The following OR8H2 variants were observed in gnomAD, a reference collection of about 807,000 sequenced individuals.
The protein encoded by OR8H2 is olfactory receptor 8H2.
For missense variants in OR8H2, 374 were observed against 371.1 expected, an observed-to-expected ratio of 1.01 and a Z score of -0.06; for synonymous variants, 157 against 139.2, an observed-to-expected ratio of 1.13 and a Z score of -0.90.
At position 56,105,633 on chromosome 11, in the gene OR8H2, C is replaced by G. The variant is rs776203111; in HGVS notation, c.591C>G (p.Ile197Met). Reference sequence around the variant, plus strand: ...GCACTGATACATACAACACCGAAATCCTGATATTCATTATTGTTGGTTCCA... The same window carrying G: ...GCACTGATACATACAACACCGAAATGCTGATATTCATTATTGTTGGTTCCA... ...LSCTDTYNTE[I>M]LIFIIVGSTL... Residue 197 changes from isoleucine to methionine, a missense_variant, in exon 2 of 2, where the codon ATC (isoleucine) becomes ATG (methionine). Physicochemically the swap from Ile to Met is conservative, Grantham distance 10. Transcript: ENST00000313503. The G allele has an allele frequency of 3.1e-6, 5 of 1,613,928 alleles. No homozygotes were observed. In the African/African-American group the frequency reaches 4.0e-5, roughly 13 times the overall value.
Position 56,105,650 on chromosome 11 carries a change from T to C in OR8H2, c.608T>C (p.Val203Ala), listed in dbSNP as rs61734224. 1.2e-5 allele frequency: 20 copies of C among 1,614,048 alleles called. No individual in the cohort carries two copies. Among genetic ancestry groups the C allele is most frequent in the Admixed American group, 3.3e-5 (2 of 60,004 alleles). The stretch of plus-strand genomic sequence containing the variant: ...ACCGAAATCCTGATATTCATTATTG[T>C]TGGTTCCACCCTGATGGTGTCCCTT... ...YNTEILIFII[V>A]GSTLMVSLFT... The change falls in exon 2 of 2, where the codon GTT (valine) becomes GCT (alanine). Residue 203 changes from valine (V) to alanine (A), a missense_variant. By Grantham distance (64) the Val-to-Ala change is moderately conservative. Coordinates refer to ENST00000313503, the MANE Select transcript of OR8H2 (RefSeq NM_001386064.1).
chr11:56,105,874 T>C lies in OR8H2; in HGVS notation c.832T>C (p.Tyr278His). The change falls in exon 2 of 2, where the codon TAT (tyrosine) becomes CAT (histidine). Residue 278 changes from tyrosine to histidine, a missense_variant. Coordinates refer to ENST00000313503, the MANE Select transcript of OR8H2 (RefSeq NM_001386064.1). ...LGRDQVASVFYTIVIPVLNPL... is the reference protein window; with the variant it reads ...LGRDQVASVFHTIVIPVLNPL... ...AAGAGATCAAGTGGCTTCTGTTTTTTATACTATTGTGATTCCCGTGCTGAA... is the reference window on the plus strand; with the variant it reads ...AAGAGATCAAGTGGCTTCTGTTTTTCATACTATTGTGATTCCCGTGCTGAA... 6.2e-7 allele frequency: 1 copy of C among 1,611,850 alleles called. No individual in the cohort carries two copies.
In OR8H2 at chr11:56,103,857, T is replaced by C. The variant is rs1437942866; in HGVS notation, c.-302T>C. ...AAATGTAAAAACAACTTATCTCAAG[T>C]AAAATAAATATTATAAAAAATTCAT... On this transcript the variant is annotated 5_prime_UTR_variant, in exon 1 of 2. Coordinates refer to ENST00000313503, the MANE Select transcript of OR8H2 (RefSeq NM_001386064.1). 1 of 151,858 alleles carries C rather than the reference T, an allele frequency of 6.6e-6. No homozygotes were observed. The highest frequency in any genetic ancestry group is 1.9e-4 in the East Asian group (1 of 5,202). The allele number at this position is 151,858 out of a possible 1,614,324, so 9.4% of individuals were successfully genotyped here.
rs746561960 is a variant in OR8H2, at chr11:56,105,626, C to T, written c.584C>T (p.Thr195Ile). ...CTGTCCTGCACTGATACATACAACA[C>T]CGAAATCCTGATATTCATTATTGTT... ...LALSCTDTYNTEILIFIIVGS... is the reference protein window; with the variant it reads ...LALSCTDTYNIEILIFIIVGS... Residue 195 changes from threonine (T) to isoleucine (I), a missense_variant, in exon 2 of 2, where the codon ACC (threonine) becomes ATC (isoleucine). Physicochemically the swap from Thr to Ile is moderately conservative, Grantham distance 89. Coordinates refer to ENST00000313503, the MANE Select transcript of OR8H2 (RefSeq NM_001386064.1). 8 of 1,614,080 alleles carry T rather than the reference C, an allele frequency of 5.0e-6. No individual in the cohort carries two copies. The South Asian group carries it at 6.6e-5, about 13-fold the overall frequency.
At chr11:56,104,793 G>T (rs969067533) in intron 1 of OR8H2, 79 bp from the exon 2 acceptor site, 1 of 391,380 alleles carries the variant, frequency 2.6e-6, no homozygotes, top group Non-Finnish European at 4.5e-6. Flanking sequence ...CTTATAGAAG[G>T]CTAAGCTAAT....
intron 1 of OR8H2, 39 bp from the exon 2 acceptor site, chr11:56,104,833 G>T: frequency 2.2e-6 from 1 of 458,862 alleles, no homozygotes. Flanking sequence ...CATATAAACA[G>T]AAAGTTTTTT....
rs1355276246 is a variant in OR8H2, at chr11:56,107,134, T to C, written c.*1153T>C. 1.3e-5 allele frequency: 2 copies of C among 151,958 alleles called. No homozygotes were observed. Among genetic ancestry groups the C allele is most frequent in the Middle Eastern group, 6.3e-3 (2 of 316 alleles). The allele number at this position is 151,958 out of a possible 1,614,324, so 9.4% of individuals were successfully genotyped here. A position where few individuals can be genotyped will look rare whatever the true frequency, so the allele number is the denominator to read the frequency against. On this transcript the variant is annotated 3_prime_UTR_variant, in exon 2 of 2. Coordinates refer to ENST00000313503, the MANE Select transcript of OR8H2 (RefSeq NM_001386064.1). ...GTACATGGACAAAATCAAGACTCAC[T>C]TCACAATGTTTTGGACTTGAAATAT...
rs1383637019 is a variant in OR8H2, at chr11:56,104,850, TG to T, written c.-171-21del. 681 of 400,900 alleles carry T rather than the reference TG, an allele frequency of 1.7e-3. 2 individuals are homozygous for T. The highest frequency in any genetic ancestry group is 2.5e-3 in the African/African-American group (118 of 48,070). The allele number at this position is 400,900 out of a possible 1,614,324, so 24.8% of individuals were successfully genotyped here. ...TATAAACAGAAAGTTTTTTTTTGTT[TG>T]TTTTTTGTTTTTTGAGTCAGAGTCT... On this transcript the variant is annotated intron_variant, in intron 1 of 1. Coordinates refer to ENST00000313503, the MANE Select transcript of OR8H2 (RefSeq NM_001386064.1).
At position 56,105,624 on chromosome 11, in the gene OR8H2, C is replaced by A. The variant is rs141305814; in HGVS notation, c.582C>A (p.Asn194Lys). Reference sequence around the variant, plus strand: ...CTCTGTCCTGCACTGATACATACAACACCGAAATCCTGATATTCATTATTG... The same window carrying A: ...CTCTGTCCTGCACTGATACATACAAAACCGAAATCCTGATATTCATTATTG... ...ILALSCTDTY[N>K]TEILIFIIVG... Residue 194 changes from asparagine to lysine, a missense_variant, in exon 2 of 2, where the codon AAC becomes AAA. By Grantham distance (94) the Asn-to-Lys change is moderately conservative (BLOSUM62 0). Transcript: ENST00000313503. The A allele has an allele frequency of 6.9e-5, 111 of 1,613,964 alleles. No individual in the cohort carries two copies. Among genetic ancestry groups the A allele is most frequent in the Non-Finnish European group, 9.3e-5 (110 of 1,179,936 alleles).
At chr11:56,104,677 TACATG>T in intron 1 of OR8H2, among the ~76,000 whole-genome samples, 190 bp from the exon 2 acceptor site, 1 of 152,352 alleles carries the variant, frequency 6.6e-6, no homozygotes, top group Non-Finnish European at 1.5e-5. Context: ...TGCAATATGC[TACATG>T]CTACACTTTA....
At chr11:56,104,198 G>T (rs1402549511) in intron 1 of OR8H2, among the ~76,000 whole-genome samples, 3 of 151,862 alleles carry the variant, frequency 2.0e-5, no homozygotes, top group Non-Finnish European at 4.4e-5. Context: ...ATTTTTGGAA[G>T]AAATTAGATT....
In OR8H2 at chr11:56,107,078, C is replaced by A. The variant is rs1214457934; in HGVS notation, c.*1097C>A. On this transcript the variant is annotated 3_prime_UTR_variant, in exon 2 of 2. Transcript: ENST00000313503. ...TATCCATTTACAAGTTTAATGTTGT[C>A]ATCGACAACTCTAATATAAATTTTT... The A allele has an allele frequency of 2.0e-5, 3 of 151,894 alleles. No homozygotes were observed. The highest frequency in any genetic ancestry group is 4.4e-5 in the Non-Finnish European group (3 of 67,820). 9.4% of individuals were successfully genotyped at this position (151,894 alleles called of 1,614,324 possible).
In OR8H2 at chr11:56,105,283, A is replaced by G. The variant is rs1249087179; in HGVS notation, c.241A>G (p.Lys81Glu). The change falls in exon 2 of 2, where the codon AAA becomes GAA. Residue 81 changes from lysine to glutamate, a missense_variant. Transcript: ENST00000313503. ...DLSYSTVVTP[K>E]TLANLLTSNY... ...CAGTTACTCAACTGTCGTCACACCTAAAACCTTAGCGAACTTACTGACTTC... is the reference window on the plus strand; with the variant it reads ...CAGTTACTCAACTGTCGTCACACCTGAAACCTTAGCGAACTTACTGACTTC... 6 of 1,614,094 alleles carry G rather than the reference A, an allele frequency of 3.7e-6. No homozygotes were observed. In the Admixed American group the frequency reaches 5.0e-5, roughly 13 times the overall value.
Position 56,106,822 on chromosome 11 carries a change from A to T in OR8H2, c.*841A>T, listed in dbSNP as rs958875310. 7 of 152,174 alleles carry T rather than the reference A, an allele frequency of 4.6e-5. No individual in the cohort carries two copies. Among genetic ancestry groups the T allele is most frequent in the African/African-American group, 1.7e-4 (7 of 41,578 alleles). The allele number at this position is 152,174 out of a possible 1,614,324, so 9.4% of individuals were successfully genotyped here. On this transcript the variant is annotated 3_prime_UTR_variant, in exon 2 of 2. Transcript: ENST00000313503. Reference sequence around the variant, plus strand: ...GAAAATTTGAAAAATATTACAAAATATTGAAGAAAATAGAAATCCTCTACA... The same window carrying T: ...GAAAATTTGAAAAATATTACAAAATTTTGAAGAAAATAGAAATCCTCTACA...
intron 1 of OR8H2, 41 bp from the exon 2 acceptor site, chr11:56,104,831 C>A: frequency 6.6e-6 from 3 of 453,904 alleles, no homozygotes; most frequent in Admixed American, 3.9e-5. Flanking sequence ...TTCATATAAA[C>A]AGAAAGTTTT....
At position 56,105,301 on chromosome 11, in the gene OR8H2, C is replaced by G. The variant is rs200791147; in HGVS notation, c.259C>G (p.Leu87Val). 4 of 1,614,220 alleles carry G rather than the reference C, an allele frequency of 2.5e-6. No homozygotes were observed. In the East Asian group the frequency reaches 8.9e-5, roughly 36 times the overall value. Residue 87 changes from leucine (L) to valine (V), a missense_variant, in exon 2 of 2, where the codon CTG (leucine) becomes GTG (valine). Physicochemically the swap from Leu to Val is conservative, Grantham distance 32 (BLOSUM62 1). Coordinates refer to ENST00000313503, the MANE Select transcript of OR8H2 (RefSeq NM_001386064.1). ...VVTPKTLANL[L>V]TSNYISFTGC... ...CACACCTAAAACCTTAGCGAACTTACTGACTTCCAACTATATTTCCTTTAC... is the reference window on the plus strand; with the variant it reads ...CACACCTAAAACCTTAGCGAACTTAGTGACTTCCAACTATATTTCCTTTAC...
In OR8H2 at chr11:56,105,086, T is replaced by C; in HGVS notation, c.44T>C (p.Leu15Pro). Residue 15 changes from leucine to proline, a missense_variant, in exon 2 of 2, where the codon CTT becomes CCT. By Grantham distance (98) the Leu-to-Pro change is moderately conservative. Coordinates refer to ENST00000313503, the MANE Select transcript of OR8H2 (RefSeq NM_001386064.1). Reference sequence around the variant, plus strand: ...AACACAAATGTGGCTGACTTCATCCTTATGGGACTGACACTTTCTGAAGAG... The same window carrying C: ...AACACAAATGTGGCTGACTTCATCCCTATGGGACTGACACTTTCTGAAGAG... ...RNNTNVADFI[L>P]MGLTLSEEIQ... 6.2e-7 allele frequency: 1 copy of C among 1,614,116 alleles called. No homozygotes were observed. Among genetic ancestry groups the C allele is most frequent in the Non-Finnish European group, 8.5e-7 (1 of 1,179,970 alleles).
At position 56,105,305 on chromosome 11, in the gene OR8H2, C is replaced by G; in HGVS notation, c.263C>G (p.Thr88Ser). Residue 88 changes from threonine (T) to serine (S), a missense_variant, in exon 2 of 2, where the codon ACT (threonine) becomes AGT (serine). Thr to Ser is a moderately conservative substitution (Grantham distance 58). Coordinates refer to ENST00000313503, the MANE Select transcript of OR8H2 (RefSeq NM_001386064.1). The stretch of plus-strand genomic sequence containing the variant: ...CCTAAAACCTTAGCGAACTTACTGA[C>G]TTCCAACTATATTTCCTTTACGGGC... ...VTPKTLANLL[T>S]SNYISFTGCF... 6.2e-7 allele frequency: 1 copy of G among 1,614,214 alleles called. No individual in the cohort carries two copies. The highest frequency in any genetic ancestry group is 8.5e-7 in the Non-Finnish European group (1 of 1,180,034).
In OR8H2 at chr11:56,105,085, C is replaced by A; in HGVS notation, c.43C>A (p.Leu15Ile). 6.2e-7 allele frequency: 1 copy of A among 1,614,026 alleles called. No homozygotes were observed. Among genetic ancestry groups the A allele is most frequent in the Non-Finnish European group, 8.5e-7 (1 of 1,179,918 alleles). Residue 15 changes from leucine (L) to isoleucine (I), a missense_variant, in exon 2 of 2, where the codon CTT becomes ATT. By Grantham distance (5) the Leu-to-Ile change is conservative. Transcript: ENST00000313503. Reference protein sequence around the residue: ...RNNTNVADFILMGLTLSEEIQ... With the variant: ...RNNTNVADFIIMGLTLSEEIQ... ...TAACACAAATGTGGCTGACTTCATCCTTATGGGACTGACACTTTCTGAAGA... is the reference window on the plus strand; with the variant it reads ...TAACACAAATGTGGCTGACTTCATCATTATGGGACTGACACTTTCTGAAGA...
Sources: allele counts gnomAD v4.1 joint callset (sites outside exome capture counted in the v4.1 genomes callset), GRCh38; gene constraint gnomAD v4.1.1; transcripts MANE v1.5; gene names NCBI Gene and HGNC (gene_info 2026-07-23, HGNC 2026-07-21).